The following EFCAB14 variants were observed in gnomAD, a reference collection of about 807,000 sequenced individuals.
EFCAB14 encodes EF-hand calcium-binding domain-containing protein 14.
A neutral mutation model predicts 56.5 loss-of-function variants in EFCAB14; 43 were observed. That is an observed-to-expected ratio of 0.76 (90% CI 0.60 to 0.98). EFCAB14 has a LOEUF of 0.98. Among genes scored for constraint, EFCAB14 ranks in the 50% least tolerant of loss-of-function variants. The pLI is 0.00. For synonymous variants in EFCAB14, 235 were observed against 212.9 expected, an observed-to-expected ratio of 1.10 and a Z score of -0.90; for missense variants, 538 against 580.3, an observed-to-expected ratio of 0.93 and a Z score of 0.75.
chr1:46,689,618 T>C lies in EFCAB14; in HGVS notation c.764A>G (p.Asp255Gly), dbSNP rs947872045. Residue 255 changes from aspartate to glycine, a missense_variant, in exon 6 of 11, where the codon GAC becomes GGC. Asp to Gly is a moderately conservative substitution (Grantham distance 94). Coordinates refer to ENST00000371933, the MANE Select transcript of EFCAB14 (RefSeq NM_014774.3). ...IPSPSATSELDNKTHSENLKQ... is the reference protein window; with the variant it reads ...IPSPSATSELGNKTHSENLKQ... ...CAAATTCTCACTGTGGGTTTTATTGTCAAGTTCTGATGTGGCTGAAGGTGA... is the reference window on the plus strand; with the variant it reads ...CAAATTCTCACTGTGGGTTTTATTGCCAAGTTCTGATGTGGCTGAAGGTGA... The C allele has an allele frequency of 2.0e-5, 33 of 1,613,790 alleles. No individual in the cohort carries two copies. The highest frequency in any genetic ancestry group is 2.3e-5 in the Non-Finnish European group (27 of 1,179,828).
chr1:46,693,535 A>G (rs185896331), intron 4 of EFCAB14, among the ~76,000 whole-genome samples: 20 of 152,222 alleles, frequency 1.3e-4, no homozygotes, highest in South Asian at 2.1e-4. Context: ...TTTGCTATCT[A>G]TGTAAGCTCT....
At chr1:46,685,196 T>A (rs1251684719) in intron 8 of EFCAB14, 1 of 152,284 alleles carries the variant, frequency 6.6e-6, no homozygotes, top group Non-Finnish European at 1.5e-5. Context: ...AAAGTCTTGC[T>A]TGCTCGTATC....
At chr1:46,713,430 AT>A (rs1677339714) in intron 2 of EFCAB14, among the ~76,000 whole-genome samples, 1 of 152,198 alleles carries the variant, frequency 6.6e-6, no homozygotes, top group Non-Finnish European at 1.5e-5. Flanking sequence ...ACAATATAGT[AT>A]TTCCAGGGAT....
chr1:46,708,240 T>C (rs1677261172), intron 2 of EFCAB14, among the ~76,000 whole-genome samples, 189 bp from the exon 3 acceptor site: 1 of 152,212 alleles, frequency 6.6e-6, no homozygotes, highest in Admixed American at 6.5e-5. Context: ...ATTTCACTGC[T>C]GGCAATGCAA....
At position 46,687,545 on chromosome 1, in the gene EFCAB14, C is replaced by T. The variant is rs143237455; in HGVS notation, c.988-675G>A. ...ACCAGAGTTTGACTTTATTTGTGGGCTTACTTCCAGCTTTGGTGGTTACTT... is the reference window on the plus strand; with the variant it reads ...ACCAGAGTTTGACTTTATTTGTGGGTTTACTTCCAGCTTTGGTGGTTACTT... On this transcript the variant is annotated intron_variant, in intron 7 of 10. Coordinates refer to ENST00000371933, the MANE Select transcript of EFCAB14 (RefSeq NM_014774.3). Among the ~76,000 whole-genome samples, 6 of 152,270 alleles carry T rather than the reference C, an allele frequency of 3.9e-5. No individual in the cohort carries two copies. In the East Asian group the frequency reaches 1.2e-3, roughly 29 times the overall value.
At position 46,718,528 on chromosome 1, in the gene EFCAB14, T is replaced by A. The variant is rs535648586; in HGVS notation, c.-441A>T. 79 of 154,132 alleles carry A rather than the reference T, an allele frequency of 5.1e-4. No individual in the cohort carries two copies. Among genetic ancestry groups the A allele is most frequent in the African/African-American group, 1.8e-3 (76 of 41,600 alleles). The allele number at this position is 154,132 out of a possible 1,614,324, so 9.5% of individuals were successfully genotyped here. A position where few individuals can be genotyped will look rare whatever the true frequency, so the allele number is the denominator to read the frequency against. On this transcript the variant is annotated 5_prime_UTR_variant, in exon 1 of 11. Transcript: ENST00000371933. Reference sequence around the variant, plus strand: ...GTGTTTCGGACCTCCGGAGCAAGATTTCCAATGGAGAGGGAAGAGAAACTC... The same window carrying A: ...GTGTTTCGGACCTCCGGAGCAAGATATCCAATGGAGAGGGAAGAGAAACTC...
chr1:46,719,043 G>T lies in EFCAB14; in HGVS notation c.-956C>A. 1 of 159,284 alleles carries T rather than the reference G, an allele frequency of 6.3e-6. No homozygotes were observed. Among genetic ancestry groups the T allele is most frequent in the Non-Finnish European group, 1.4e-5 (1 of 73,276 alleles). The allele number at this position is 159,284 out of a possible 1,614,324, so 9.9% of individuals were successfully genotyped here. The stretch of plus-strand genomic sequence containing the variant: ...CTCCCGACACGTTGTTGTTGGCGTT[G>T]GTGGCGGCGGCTGCGGCGGCGGCGG... On this transcript the variant is annotated 5_prime_UTR_variant, in exon 1 of 11. Coordinates refer to ENST00000371933, the MANE Select transcript of EFCAB14 (RefSeq NM_014774.3). This position sits in a 1 kb window ranked among gnomAD's most constrained non-coding sequence, Gnocchi z 4.0.
At chr1:46,684,793 G>T (rs1470249705) in intron 8 of EFCAB14, among the ~76,000 whole-genome samples, 191 bp from the exon 9 acceptor site, 1 of 152,096 alleles carries the variant, frequency 6.6e-6, no homozygotes, top group Non-Finnish European at 1.5e-5. Flanking sequence ...TATCTTGCTG[G>T]ATTTGAAACC....
At chr1:46,679,072 A>AT (rs1249474849) in intron 10 of EFCAB14, among the ~76,000 whole-genome samples, 1 of 152,210 alleles carries the variant, frequency 6.6e-6, no homozygotes, top group African/African-American at 2.4e-5. Flanking sequence ...GTGAAAAGGA[A>AT]TGCAGAGGCC....
At chr1:46,715,516 C>T (rs749475932) in intron 2 of EFCAB14, among the ~76,000 whole-genome samples, 12 of 152,142 alleles carry the variant, frequency 7.9e-5, no homozygotes, top group Non-Finnish European at 1.5e-4. Flanking sequence ...TCCTATGCTC[C>T]TATTCAGTCC....
In EFCAB14 at chr1:46,718,088, C is replaced by CT; in HGVS notation, c.-2dup. On this transcript the variant is annotated 5_prime_UTR_variant, in exon 1 of 11. Coordinates refer to ENST00000371933, the MANE Select transcript of EFCAB14 (RefSeq NM_014774.3). ...CATTGAGCTCTTTGCGCTTTTTCATCTTTTTGTGTGGGGTGAGTGGAGCCC... is the reference window on the plus strand; with the variant it reads ...CATTGAGCTCTTTGCGCTTTTTCATCTTTTTTGTGTGGGGTGAGTGGAGCCC... The CT allele has an allele frequency of 6.2e-7, 1 of 1,613,562 alleles. No homozygotes were observed. Among genetic ancestry groups the CT allele is most frequent in the Middle Eastern group, 1.7e-4 (1 of 6,060 alleles).
In EFCAB14 at chr1:46,681,986, G is replaced by A. The variant is rs142066800; in HGVS notation, c.1312+1314C>T. Among the ~76,000 whole-genome samples, 737 of 152,104 alleles carry A rather than the reference G, an allele frequency of 4.8e-3. 5 individuals are homozygous for A. Among genetic ancestry groups the A allele is most frequent in the African/African-American group, 0.017 (699 of 41,492 alleles). On this transcript the variant is annotated intron_variant, in intron 10 of 10. Transcript: ENST00000371933. ...CAGAAAAAAAAAAAGTCAGGAACAG[G>A]GAAGAAAAGTAATCACATTTAAATG...
chr1:46,694,604 A>C (rs1370335069), intron 4 of EFCAB14, among the ~76,000 whole-genome samples: 2 of 152,232 alleles, frequency 1.3e-5, no homozygotes, highest in African/African-American at 4.8e-5. Context: ...ATGTGGAGAA[A>C]TAGGAACACT....
chr1:46,696,341 G>C (rs1013474773), intron 4 of EFCAB14, among the ~76,000 whole-genome samples: 2 of 152,092 alleles, frequency 1.3e-5, no homozygotes, highest in Admixed American at 6.5e-5. Flanking sequence ...GTAACCTGTT[G>C]CAAATTAAAG....
chr1:46,692,218 G>A (rs1487792598), intron 4 of EFCAB14: 2 of 267,864 alleles, frequency 7.5e-6, no homozygotes, highest in African/African-American at 4.4e-5. Context: ...TAGAACCAGT[G>A]AGCAAGTAGT....
intron 3 of EFCAB14, among the ~76,000 whole-genome samples, chr1:46,698,920 G>A (rs1218578299): frequency 6.6e-6 from 1 of 152,122 alleles, no homozygotes; most frequent in African/African-American, 2.4e-5. Context: ...GAAATGGAGA[G>A]ACCAGTAAGA....
chr1:46,700,207 G>A (rs4274009), intron 3 of EFCAB14, among the ~76,000 whole-genome samples: 40,157 of 152,188 alleles, frequency 0.26, 5,496 homozygotes, highest in Admixed American at 0.35. Flanking sequence ...CCAAGGAACA[G>A]ATGATCAATA....
chr1:46,717,607 C>T (rs1246159187), intron 1 of EFCAB14, among the ~76,000 whole-genome samples: 1 of 152,176 alleles, frequency 6.6e-6, no homozygotes, highest in Non-Finnish European at 1.5e-5. Context: ...TTCTCTGCTC[C>T]TCTGTCTCCA....
intron 2 of EFCAB14, among the ~76,000 whole-genome samples, chr1:46,708,363 G>C (rs1677262397): frequency 6.6e-6 from 1 of 152,116 alleles, no homozygotes; most frequent in Non-Finnish European, 1.5e-5. Flanking sequence ...CAAATTCTTA[G>C]AGCTCAGTTT....
Sources: allele counts gnomAD v4.1 joint callset (sites outside exome capture counted in the v4.1 genomes callset), GRCh38; gene constraint gnomAD v4.1.1; non-coding constraint Gnocchi (gnomAD v3.1); transcripts MANE v1.5; gene names NCBI Gene and HGNC (gene_info 2026-07-23, HGNC 2026-07-21).